Variants in PEAK1 observed in about 807,000 individuals in gnomAD.
PEAK1 encodes inactive tyrosine-protein kinase PEAK1.
A neutral mutation model predicts 124.7 loss-of-function variants in PEAK1; 54 were observed. The ratio of observed to expected loss-of-function variants is 0.43; its 90% CI spans 0.35 to 0.54. PEAK1 has a LOEUF of 0.54. Ranked by LOEUF, PEAK1 falls within the 20% of genes least tolerant of loss-of-function variation. PEAK1 has a pLI of 0.01. For synonymous variants in PEAK1, 719 were observed against 760.0 expected, an observed-to-expected ratio of 0.95 and a Z score of 0.89; for missense variants, 2,046 against 2,134.5, an observed-to-expected ratio of 0.96 and a Z score of 0.82.
At position 77,109,201 on chromosome 15, in the gene PEAK1, A is replaced by G. The variant is rs1294476674; in HGVS notation, c.*4955T>C. On this transcript the variant is annotated 3_prime_UTR_variant, in exon 10 of 10. Coordinates refer to ENST00000682557, the MANE Select transcript of PEAK1 (RefSeq NM_001385026.1). ...AAAAAAATCTTCCGCTCTCAGTATT[A>G]TATGATGTTCTCAAGCTGAGGTTTG... is the stretch of plus-strand genomic sequence containing the variant. The G allele has an allele frequency of 3.9e-5, 6 of 152,172 alleles. No individual in the cohort carries two copies. The East Asian group carries it at 7.7e-4, about 20-fold the overall frequency. 9.4% of individuals were successfully genotyped at this position (152,172 alleles called of 1,614,324 possible).
intron 8 of PEAK1, chr15:77,157,078 A>G (rs977577017): frequency 2.6e-5 from 4 of 152,214 alleles, no homozygotes; most frequent in Non-Finnish European, 5.9e-5. Flanking sequence ...GTGTTTCCCA[A>G]AAAGAGATAT....
chr15:77,162,590 A>AAATT (rs2055757549), intron 7 of PEAK1, among the ~76,000 whole-genome samples: 2 of 131,734 alleles, frequency 1.5e-5, no homozygotes, highest in Non-Finnish European at 3.4e-5. Context: ...GATACTTTAC[A>AAATT]AATATCAGCT....
At chr15:77,231,888 A>G (rs1162031793) in intron 6 of PEAK1, among the ~76,000 whole-genome samples, 1 of 152,180 alleles carries the variant, frequency 6.6e-6, no homozygotes, top group Non-Finnish European at 1.5e-5. Flanking sequence ...ACTCATACAA[A>G]TTCATTTTCT....
At chr15:77,130,154 C>T (rs576068765) in intron 9 of PEAK1, among the ~76,000 whole-genome samples, 54 of 152,228 alleles carry the variant, frequency 3.5e-4, no homozygotes, top group Admixed American at 3.4e-3. Context: ...CAAGATTCCA[C>T]GGCAATAATA....
chr15:77,102,378 C>A (rs2050702671), exon 7 of PEAK1: 1 of 152,118 alleles, frequency 6.6e-6, no homozygotes, highest in African/African-American at 2.4e-5. Context: ...TGCTGTTTTC[C>A]ATGGACAAAG....
rs149948810 is a variant in PEAK1, at chr15:77,290,317, G to A, written c.-602-3813C>T. Among the ~76,000 whole-genome samples, 511 of 152,232 alleles carry A rather than the reference G, an allele frequency of 3.4e-3. 3 individuals carry two copies. The highest frequency in any genetic ancestry group is 6.8e-3 in the Middle Eastern group (2 of 294). ...TTTTTGTATTTTTAGTAGAGATGGG[G>A]TTTCATCATGTTGGCTGGTCTCAAA... On this transcript the variant is annotated intron_variant, in intron 2 of 9. Coordinates refer to ENST00000682557, the MANE Select transcript of PEAK1 (RefSeq NM_001385026.1).
At chr15:77,155,306 T>C (rs1252526098) in intron 8 of PEAK1, 1 of 152,258 alleles carries the variant, frequency 6.6e-6, no homozygotes, top group African/African-American at 2.4e-5. Context: ...ATTCTTCACA[T>C]AGTTCTCGAG....
intron 8 of PEAK1, among the ~76,000 whole-genome samples, chr15:77,139,792 A>G (rs1463404435): frequency 1.3e-5 from 2 of 152,116 alleles, no homozygotes; most frequent in Non-Finnish European, 2.9e-5. Context: ...TAAACAAACA[A>G]CAACACACAT....
intron 2 of PEAK1, among the ~76,000 whole-genome samples, chr15:77,293,187 C>G (rs1161483116): frequency 6.6e-6 from 1 of 152,194 alleles, no homozygotes; most frequent in Admixed American, 6.5e-5. Context: ...CACCAAATGC[C>G]TTTCTAATTA....
chr15:77,262,290 C>A (rs1361959570), intron 5 of PEAK1, among the ~76,000 whole-genome samples: 2 of 152,078 alleles, frequency 1.3e-5, no homozygotes, highest in African/African-American at 4.8e-5. Context: ...GGGCTAAATG[C>A]TCCAATTAGA....
intron 6 of PEAK1, among the ~76,000 whole-genome samples, chr15:77,187,991 C>A (rs2057633714): frequency 6.6e-6 from 1 of 152,174 alleles, no homozygotes; most frequent in Non-Finnish European, 1.5e-5. Context: ...CCTCAACCAG[C>A]TGCCAAACTC....
chr15:77,399,915 T>C (rs976773035), intron 1 of PEAK1, among the ~76,000 whole-genome samples: 3 of 152,136 alleles, frequency 2.0e-5, no homozygotes, highest in Non-Finnish European at 2.9e-5. Flanking sequence ...AAACTACCCA[T>C]TTGACAAGTG....
At chr15:77,206,472 A>G (rs2058663472) in intron 6 of PEAK1, among the ~76,000 whole-genome samples, 1 of 147,572 alleles carries the variant, frequency 6.8e-6, no homozygotes, top group Non-Finnish European at 1.5e-5. Flanking sequence ...ATTTCTCCAC[A>G]TCCTCTCCAG....
chr15:77,261,801 T>C (rs967587272), intron 5 of PEAK1, among the ~76,000 whole-genome samples: 1 of 151,924 alleles, frequency 6.6e-6, no homozygotes, highest in African/African-American at 2.4e-5. Context: ...CTAAGACACA[T>C]AATTGTCAGA....
chr15:77,272,842 C>T (rs1256003076), intron 5 of PEAK1, among the ~76,000 whole-genome samples: 2 of 152,096 alleles, frequency 1.3e-5, no homozygotes, highest in African/African-American at 4.8e-5. Context: ...CCCTGATGAA[C>T]ATAGATGCAA....
intron 1 of PEAK1, among the ~76,000 whole-genome samples, chr15:77,417,040 C>T (rs1054276876): frequency 1.3e-4 from 20 of 151,934 alleles, no homozygotes; most frequent in African/African-American, 4.6e-4. Context: ...TAACTCTTAC[C>T]TATTATTGAA....
At chr15:77,236,888 C>T (rs2060149457) in intron 6 of PEAK1, among the ~76,000 whole-genome samples, 1 of 152,152 alleles carries the variant, frequency 6.6e-6, no homozygotes, top group Non-Finnish European at 1.5e-5. Context: ...CTTCTCCTTT[C>T]ACTTGGCACT....
At chr15:77,200,940 C>T (rs965416047) in intron 6 of PEAK1, among the ~76,000 whole-genome samples, 1 of 151,928 alleles carries the variant, frequency 6.6e-6, no homozygotes, top group African/African-American at 2.4e-5. Context: ...TAGACTCATA[C>T]TTTACCATAA....
chr15:77,402,362 T>C, intron 1 of PEAK1: 1 of 985,236 alleles, frequency 1.0e-6, no homozygotes, highest in Non-Finnish European at 1.2e-6. Flanking sequence ...GCAAGTTCCT[T>C]CTTCTCCTCT....
Sources: gnomAD v4.1 joint callset for allele counts (sites outside exome capture counted in the v4.1 genomes callset) on GRCh38, gnomAD v4.1.1 for gene constraint, MANE v1.5 for transcripts, NCBI Gene and HGNC (gene_info 2026-07-23, HGNC 2026-07-21) for gene names.